Variants in LTBP1 observed in about 807,000 individuals in gnomAD.
LTBP1 encodes latent transforming growth factor beta binding protein 1, also known as latent-transforming growth factor beta-binding protein 1.
Under a neutral mutation model 207.6 loss-of-function variants are expected in LTBP1, and 129 were observed. The ratio of observed to expected loss-of-function variants is 0.62; its 90% CI spans 0.54 to 0.72. The LOEUF is 0.72. LTBP1 is among the 30% of genes least tolerant of loss of function. The pLI is 0.00. For missense variants in LTBP1, 2,281 were observed against 2,217.2 expected (o/e 1.03, Z -0.58); for synonymous variants, 963 against 833.7 (o/e 1.16, Z -2.67).
intron 2 of LTBP1, among the ~76,000 whole-genome samples, chr2:32,987,958 C>T (rs1683852927): frequency 6.6e-6 from 1 of 152,160 alleles, no homozygotes; most frequent in South Asian, 2.1e-4. Context: ...TTTTATAAGG[C>T]ATCCTTTTAA....
chr2:33,098,903 A>G (rs535019571), intron 3 of LTBP1, among the ~76,000 whole-genome samples: 2 of 152,314 alleles, frequency 1.3e-5, no homozygotes, highest in East Asian at 3.9e-4. Flanking sequence ...TGTTCTCTGA[A>G]CAGACCTACC....
Position 33,360,679 on chromosome 2 carries a change from T to A in LTBP1, c.4083T>A (p.Asn1361Lys). The A allele has an allele frequency of 1.2e-6, 2 of 1,613,800 alleles. No individual in the cohort carries two copies. The highest frequency in any genetic ancestry group is 1.7e-5 in the Admixed American group (1 of 60,016). The change falls in exon 27 of 34, where the codon AAT (asparagine) becomes AAA (lysine). Residue 1361 changes from asparagine to lysine, a missense_variant. Asn to Lys is a moderately conservative substitution (Grantham distance 94). Around this residue, in one of 3 missense-constraint regions of LTBP1, gnomAD observed 1,671 missense variants for 1,634.8 expected, o/e 1.02. Coordinates refer to ENST00000404816, the MANE Select transcript of LTBP1 (RefSeq NM_206943.4). ...YNLNDASLCD[N>K]VLAPNVTKQE... is the part of the protein sequence containing the mutation. ...TCAATGACGCCAGTCTCTGTGATAATGTGTTGGCCCCCAATGTCACGAAAC... is the reference window on the plus strand; with the variant it reads ...TCAATGACGCCAGTCTCTGTGATAAAGTGTTGGCCCCCAATGTCACGAAAC...
At chr2:33,293,089 C>A (rs902228313) in intron 19 of LTBP1, 71 bp from the exon 20 acceptor site, 10 of 1,505,498 alleles carry the variant, frequency 6.6e-6, no homozygotes, top group Non-Finnish European at 9.0e-6. Context: ...CCATTTCTAA[C>A]CAAATTTAAC....
chr2:33,319,071 G>C (rs905536629), intron 24 of LTBP1, among the ~76,000 whole-genome samples: 20 of 152,150 alleles, frequency 1.3e-4, no homozygotes, highest in African/African-American at 3.9e-4. Flanking sequence ...CTGTACTCCA[G>C]CCTGCGTGAC....
intron 2 of LTBP1, among the ~76,000 whole-genome samples, chr2:32,958,345 T>C (rs1034099865): frequency 2.6e-5 from 4 of 152,228 alleles, no homozygotes; most frequent in African/African-American, 9.7e-5. Flanking sequence ...ACCTTTCATT[T>C]GTCTGCTCAG....
chr2:33,193,864 T>TC lies in LTBP1; in HGVS notation c.1701+5014dup, dbSNP rs534422106. 2.2e-3 allele frequency among the ~76,000 whole-genome samples: 336 copies of TC among 152,320 alleles called. 3 individuals are homozygous for TC. The highest frequency in any genetic ancestry group is 6.8e-3 in the Middle Eastern group (2 of 294). On this transcript the variant is annotated intron_variant, in intron 7 of 33. Coordinates refer to ENST00000404816, the MANE Select transcript of LTBP1 (RefSeq NM_206943.4). ...CATTCCCCCATCTCTCTCCCTGTCT[T>TC]CAGGCATCCCTATTGGCTGAAACAC...
At chr2:33,105,934 T>A (rs1001428952) in intron 3 of LTBP1, among the ~76,000 whole-genome samples, 3 of 152,224 alleles carry the variant, frequency 2.0e-5, no homozygotes, top group African/African-American at 4.8e-5. Context: ...ACAATAGAAC[T>A]GCTTCCAAAA....
intron 22 of LTBP1, among the ~76,000 whole-genome samples, chr2:33,303,837 G>A (rs2149052764): frequency 6.6e-6 from 1 of 152,244 alleles, no homozygotes. Flanking sequence ...ACAGGCCACG[G>A]ACCCGTACCG....
intron 5 of LTBP1, among the ~76,000 whole-genome samples, chr2:33,176,272 G>A (rs1331531357): frequency 1.3e-5 from 2 of 152,116 alleles, no homozygotes; most frequent in Admixed American, 1.3e-4. Context: ...TGTCGCGCAG[G>A]CTGGAGTGCA....
intron 24 of LTBP1, among the ~76,000 whole-genome samples, chr2:33,334,790 G>T (rs181642540): frequency 2.2e-4 from 34 of 152,068 alleles, no homozygotes; most frequent in Non-Finnish European, 2.1e-4. Flanking sequence ...ATTTAAGTAG[G>T]CTGGGCATGG....
At chr2:33,017,957 G>T (rs1688621229) in intron 2 of LTBP1, among the ~76,000 whole-genome samples, 1 of 152,118 alleles carries the variant, frequency 6.6e-6, no homozygotes, top group African/African-American at 2.4e-5. Flanking sequence ...GTTCAATCCA[G>T]CCCCTCCTCA....
chr2:33,044,038 G>A (rs376187730), intron 3 of LTBP1, among the ~76,000 whole-genome samples: 2 of 144,318 alleles, frequency 1.4e-5, no homozygotes, highest in African/African-American at 2.5e-5. Flanking sequence ...ATTTCTGTTC[G>A]TTTTTTTTTT....
At chr2:33,188,400 C>T (rs2087443608) in intron 6 of LTBP1, among the ~76,000 whole-genome samples, 177 bp from the exon 7 acceptor site, 2 of 133,692 alleles carry the variant, frequency 1.5e-5, no homozygotes, top group Non-Finnish European at 3.1e-5. Context: ...GCACATCAGC[C>T]TGGGTGACCA....
intron 9 of LTBP1, among the ~76,000 whole-genome samples, chr2:33,237,597 T>G (rs183560320): frequency 1.3e-5 from 2 of 152,358 alleles, no homozygotes; most frequent in East Asian, 3.9e-4. Context: ...AGCTGCAGAA[T>G]TGGTTCATGC....
rs773023477 is a variant in LTBP1, at chr2:33,252,725, T to C, written c.2048T>C (p.Val683Ala). 7.4e-6 allele frequency: 12 copies of C among 1,613,876 alleles called. No homozygotes were observed. Among genetic ancestry groups the C allele is most frequent in the Non-Finnish European group, 8.5e-6 (10 of 1,179,816 alleles). ...GAGAAAGGGCCCTGTTACCGACTTG[T>C]CAGTTCTGGAAGACAGTGTATGCAC... ...SEEKGPCYRL[V>A]SSGRQCMHPL... The change falls in exon 11 of 34, where the codon GTC (valine) becomes GCC (alanine). Residue 683 changes from valine to alanine, a missense_variant. Val to Ala is a moderately conservative substitution (Grantham distance 64). Coordinates refer to ENST00000404816, the MANE Select transcript of LTBP1 (RefSeq NM_206943.4).
chr2:33,386,564 C>T (rs545513038), intron 31 of LTBP1, among the ~76,000 whole-genome samples: 52 of 152,340 alleles, frequency 3.4e-4, no homozygotes, highest in Admixed American at 6.5e-4. Flanking sequence ...GCAGCTCGCA[C>T]CTGTAATCCC....
rs1676408022 is a variant in LTBP1, at chr2:32,947,696, C to T, written c.372C>T (p.Gly124=). Residue 124 remains glycine, a synonymous_variant, in exon 1 of 34, where the codon GGC becomes GGT. Transcript: ENST00000404816. ...GGCAGCTCCACCCCAATCCCGGCGGCCACCCGGCAGCCGCCCCGTTCACCA... is the reference window on the plus strand; with the variant it reads ...GGCAGCTCCACCCCAATCCCGGCGGTCACCCGGCAGCCGCCCCGTTCACCA... ...PGGQLHPNPG[G]HPAAAPFTKQ... 7 of 1,515,586 alleles carry T rather than the reference C, an allele frequency of 4.6e-6. No homozygotes were observed. The highest frequency in any genetic ancestry group is 1.2e-5 in the South Asian group (1 of 80,688). 93.9% of individuals were successfully genotyped at this position (1,515,586 alleles called of 1,614,324 possible).
At chr2:33,150,694 T>C (rs974736250) in intron 5 of LTBP1, among the ~76,000 whole-genome samples, 1 of 147,500 alleles carries the variant, frequency 6.8e-6, no homozygotes, top group Non-Finnish European at 1.5e-5. Context: ...TCTTTTCTTT[T>C]TTCTTTTTTC....
intron 33 of LTBP1, 81 bp from the exon 34 acceptor site, chr2:33,398,283 G>C (rs1479675219): frequency 1.5e-6 from 2 of 1,325,686 alleles, no homozygotes; most frequent in African/African-American, 2.9e-5. Flanking sequence ...TCGGGGGAAG[G>C]GCCTCAGGTA....
Sources: allele counts gnomAD v4.1 joint callset (sites outside exome capture counted in the v4.1 genomes callset), GRCh38; gene constraint gnomAD v4.1.1; regional missense constraint gnomAD v4.1.1; transcripts MANE v1.5; gene names NCBI Gene and HGNC (gene_info 2026-07-23, HGNC 2026-07-21).